The following ENTREP2 variants were observed in gnomAD, a reference collection of about 807,000 sequenced individuals.
ENTREP2 encodes protein ENTREP2.
the ENTREP2 span, among the ~76,000 whole-genome samples, chr15:29,215,575 A>AT: frequency 1.1e-4 from 14 of 122,118 alleles, no homozygotes; most frequent in East Asian, 8.9e-4. Context: ...TCAAATATAT[A>AT]TAATATATAT....
At chr15:29,317,584 T>C in the ENTREP2 span, among the ~76,000 whole-genome samples, 1 of 152,216 alleles carries the variant, frequency 6.6e-6, no homozygotes, top group African/African-American at 2.4e-5. Flanking sequence ...AAAATTATCA[T>C]AACTGCTGGC....
chr15:29,147,668 T>C, the ENTREP2 span, among the ~76,000 whole-genome samples: 1 of 152,236 alleles, frequency 6.6e-6, no homozygotes, highest in Admixed American at 6.5e-5. Flanking sequence ...GGAGTGGATG[T>C]GAAGAAACTG....
At chr15:29,183,687 C>T in the ENTREP2 span, among the ~76,000 whole-genome samples, 2 of 152,200 alleles carry the variant, frequency 1.3e-5, no homozygotes, top group East Asian at 3.9e-4. Context: ...CTTACGGTAC[C>T]AAATGCGTCA....
At chr15:29,206,254 T>TA in the ENTREP2 span, among the ~76,000 whole-genome samples, 1 of 152,016 alleles carries the variant, frequency 6.6e-6, no homozygotes, top group Non-Finnish European at 1.5e-5. Context: ...ACAAGGCAGT[T>TA]TTCTGGGACT....
chr15:29,336,098 C>T, the ENTREP2 span, among the ~76,000 whole-genome samples: 3 of 145,382 alleles, frequency 2.1e-5, no homozygotes, highest in South Asian at 2.2e-4. Context: ...GCCGAGATCA[C>T]GCCACTGCAA....
chr15:29,497,834 CT>C, the ENTREP2 span, among the ~76,000 whole-genome samples: 1 of 151,548 alleles, frequency 6.6e-6, no homozygotes, highest in Non-Finnish European at 1.5e-5. Flanking sequence ...GTTTGTTCTT[CT>C]TTTTCTAGTT....
At chr15:29,547,577 C>A in the ENTREP2 span, among the ~76,000 whole-genome samples, 1 of 152,108 alleles carries the variant, frequency 6.6e-6, no homozygotes, top group African/African-American at 2.4e-5. Context: ...ACAACAATAA[C>A]AAAACATAAT....
chr15:29,333,422 C>T, the ENTREP2 span, among the ~76,000 whole-genome samples: 1 of 152,068 alleles, frequency 6.6e-6, no homozygotes, highest in African/African-American at 2.4e-5. Context: ...ACATCCAGCA[C>T]CCCCCGCCCC....
chr15:29,315,440 G>A, the ENTREP2 span, among the ~76,000 whole-genome samples: 6 of 152,148 alleles, frequency 3.9e-5, no homozygotes, highest in African/African-American at 1.4e-4. Context: ...ATATGACAAA[G>A]GGGTCATTTA....
the ENTREP2 span, among the ~76,000 whole-genome samples, chr15:29,608,993 T>TGC: frequency 7.4e-6 from 1 of 135,850 alleles, no homozygotes; most frequent in Non-Finnish European, 1.6e-5. Context: ...TCTGGGGTTC[T>TGC]TCTGTTCTCA....
the ENTREP2 span, among the ~76,000 whole-genome samples, chr15:29,497,310 A>AT: frequency 6.6e-6 from 1 of 151,984 alleles, no homozygotes; most frequent in Admixed American, 6.6e-5. Context: ...TTTCTCTTCA[A>AT]TTTTTTTTGG....
At chr15:29,471,966 G>A in the ENTREP2 span, among the ~76,000 whole-genome samples, 1 of 152,182 alleles carries the variant, frequency 6.6e-6, no homozygotes. Context: ...CACCCAAGGA[G>A]GAGTGGCCCT....
the ENTREP2 span, chr15:29,269,768 G>A: frequency 5.2e-5 from 72 of 1,387,242 alleles, no homozygotes; most frequent in Non-Finnish European, 6.5e-5. Context: ...GGGATTGCGG[G>A]TCGGCGACCC....
chr15:29,185,604 C>T, the ENTREP2 span, among the ~76,000 whole-genome samples: 1 of 152,178 alleles, frequency 6.6e-6, no homozygotes, highest in African/African-American at 2.4e-5. Flanking sequence ...CTCTGTTCCC[C>T]AGGCTGGAGT....
chr15:29,444,204 AAG>A, the ENTREP2 span, among the ~76,000 whole-genome samples: 12 of 147,562 alleles, frequency 8.1e-5, no homozygotes, highest in Middle Eastern at 3.2e-3. Flanking sequence ...GAAAGAAAGA[AAG>A]AAAGAAAGAA....
chr15:29,421,775 T>C, the ENTREP2 span, among the ~76,000 whole-genome samples: 1 of 152,134 alleles, frequency 6.6e-6, no homozygotes, highest in African/African-American at 2.4e-5. Flanking sequence ...AAGCCAAAAC[T>C]CCCAGATCTC....
At chr15:29,241,421 T>C in the ENTREP2 span, among the ~76,000 whole-genome samples, 4 of 135,038 alleles carry the variant, frequency 3.0e-5, no homozygotes, top group Admixed American at 1.5e-4. Context: ...TACATAAATA[T>C]ATATGTGCAT....
At chr15:29,275,922 A>G in the ENTREP2 span, among the ~76,000 whole-genome samples, 1 of 152,240 alleles carries the variant, frequency 6.6e-6, no homozygotes, top group Non-Finnish European at 1.5e-5. Context: ...GCAGCATGTG[A>G]GCAAGGGAGT....
At chr15:29,608,909 T>TAG in the ENTREP2 span, among the ~76,000 whole-genome samples, 2 of 152,090 alleles carry the variant, frequency 1.3e-5, no homozygotes, top group African/African-American at 4.8e-5. Flanking sequence ...TACCTCGCAC[T>TAG]AGAGAGGCAA....
Sources: gnomAD v4.1 joint callset for allele counts (sites outside exome capture counted in the v4.1 genomes callset) on GRCh38, gnomAD v4.1.1 for gene constraint, MANE v1.5 for transcripts, NCBI Gene and HGNC (gene_info 2026-07-23, HGNC 2026-07-21) for gene names.